Variants in SSBP2 observed in about 807,000 individuals in gnomAD.
The protein encoded by SSBP2 is single-stranded DNA-binding protein 2.
A neutral mutation model predicts 61.8 loss-of-function variants in SSBP2; 17 were observed. The observed-to-expected ratio is 0.28, with a 90% CI of 0.19 to 0.41. The LOEUF is 0.41. SSBP2 is among the 10% of genes least tolerant of loss of function. SSBP2 has a pLI of 1.00. For missense variants in SSBP2, 310 were observed against 458.7 expected (o/e 0.68, Z 2.96); for synonymous variants, 139 against 141.3 (o/e 0.98, Z 0.12).
At chr5:81,445,138 TTATATATATATA>T (rs1160080305) in intron 12 of SSBP2, among the ~76,000 whole-genome samples, 1 of 33,896 alleles carries the variant, frequency 3.0e-5, no homozygotes, top group Non-Finnish European at 5.3e-5. Context: ...AAAAAAAATT[TTATATATATATA>T]TATATATATA....
intron 6 of SSBP2, among the ~76,000 whole-genome samples, chr5:81,479,557 T>C (rs1468622226): frequency 6.6e-6 from 1 of 152,080 alleles, no homozygotes; most frequent in East Asian, 1.9e-4. Flanking sequence ...TCCCCCAAAC[T>C]GCTCGGATTA....
chr5:81,557,664 C>A (rs1017850543), intron 4 of SSBP2, among the ~76,000 whole-genome samples: 1 of 152,138 alleles, frequency 6.6e-6, no homozygotes, highest in African/African-American at 2.4e-5. Context: ...GTGCATTTTT[C>A]CATCTCTAAA....
intron 4 of SSBP2, among the ~76,000 whole-genome samples, chr5:81,572,706 T>C (rs751364846): frequency 6.6e-6 from 1 of 152,174 alleles, no homozygotes; most frequent in Non-Finnish European, 1.5e-5. Flanking sequence ...AACAGGAAAT[T>C]TGACTTCAGT....
At position 81,612,451 on chromosome 5, in the gene SSBP2, T is replaced by C. The variant is rs183159325; in HGVS notation, c.282+3022A>G. 3.7e-4 allele frequency among the ~76,000 whole-genome samples: 57 copies of C among 152,218 alleles called. 3 individuals are homozygous for C. The East Asian group carries it at 4.6e-3, about 12-fold the overall frequency. On this transcript the variant is annotated intron_variant, in intron 4 of 16. Transcript: ENST00000320672. ...TTAATAATTGCAGATATTTGGAAAA[T>C]ACAGTAATATACATAGACAAAAATA...
At position 81,573,250 on chromosome 5, in the gene SSBP2, G is replaced by T. The variant is rs371917239; in HGVS notation, c.282+42223C>A. On this transcript the variant is annotated intron_variant, in intron 4 of 16. Transcript: ENST00000320672. The stretch of plus-strand genomic sequence containing the variant: ...AACTCTGTGCTAATGTAAATGTGAG[G>T]TACATATACATGGAATGGCTTAAAG... 4.7e-4 allele frequency among the ~76,000 whole-genome samples: 71 copies of T among 152,254 alleles called. 1 individual carries two copies. The South Asian group carries it at 0.015, about 31-fold the overall frequency.
Position 81,615,554 on chromosome 5 carries a change from T to C in SSBP2, c.201A>G (p.Val67=), listed in dbSNP as rs750126747. 2.5e-6 allele frequency: 4 copies of C among 1,609,712 alleles called. No individual in the cohort carries two copies. Among genetic ancestry groups the C allele is most frequent in the East Asian group, 4.5e-5 (2 of 44,764 alleles). Residue 67 remains valine, a synonymous_variant, in exon 4 of 17, where the codon GTA becomes GTG. Coordinates refer to ENST00000320672, the MANE Select transcript of SSBP2 (RefSeq NM_012446.5). ...GAGCTGCACAGTAGAGATCCCAAAA[T>C]ACACTAAAAAAGTAATCATGGTAAC... is the stretch of plus-strand genomic sequence containing the variant.
intron 15 of SSBP2, among the ~76,000 whole-genome samples, chr5:81,431,327 G>C (rs939928271): frequency 6.6e-6 from 1 of 151,958 alleles, no homozygotes; most frequent in South Asian, 2.1e-4. Context: ...TACTTTAAGA[G>C]TTTTGCTTGA....
intron 5 of SSBP2, among the ~76,000 whole-genome samples, chr5:81,504,852 A>G (rs568198698): frequency 2.0e-5 from 3 of 152,330 alleles, no homozygotes; most frequent in South Asian, 4.1e-4. Context: ...ATCATTGACA[A>G]TCTTAGCTAG....
chr5:81,484,662 C>G (rs1181824283), intron 6 of SSBP2, among the ~76,000 whole-genome samples: 1 of 152,084 alleles, frequency 6.6e-6, no homozygotes, highest in Non-Finnish European at 1.5e-5. Context: ...AATCATTAAT[C>G]ACTAACATAT....
At chr5:81,592,014 C>T (rs1018916700) in intron 4 of SSBP2, among the ~76,000 whole-genome samples, 5 of 152,290 alleles carry the variant, frequency 3.3e-5, no homozygotes, top group Middle Eastern at 3.4e-3. Context: ...GCGCACTGTG[C>T]GCAAGCCGAA....
At chr5:81,674,794 A>C (rs557226180) in intron 1 of SSBP2, among the ~76,000 whole-genome samples, 7 of 152,328 alleles carry the variant, frequency 4.6e-5, no homozygotes, top group Admixed American at 1.3e-4. Context: ...ATGTGTTCTA[A>C]TAGGCTCATG....
chr5:81,739,475 G>A (rs1756859816), intron 1 of SSBP2, among the ~76,000 whole-genome samples: 1 of 152,012 alleles, frequency 6.6e-6, no homozygotes, highest in South Asian at 2.1e-4. Context: ...TTTTTTTCAG[G>A]AATCCCACAG....
At chr5:81,525,420 G>A (rs1033176524) in intron 4 of SSBP2, among the ~76,000 whole-genome samples, 4 of 151,864 alleles carry the variant, frequency 2.6e-5, no homozygotes, top group African/African-American at 9.7e-5. Flanking sequence ...ACTTATAACT[G>A]AGAACATGTG....
At chr5:81,454,664 G>A (rs1307237183) in intron 10 of SSBP2, among the ~76,000 whole-genome samples, 1 of 151,330 alleles carries the variant, frequency 6.6e-6, no homozygotes, top group Non-Finnish European at 1.5e-5. Context: ...CTGGTGACAA[G>A]AGCAAAATTC....
At chr5:81,622,810 T>G (rs1746736043) in intron 3 of SSBP2, among the ~76,000 whole-genome samples, 1 of 152,208 alleles carries the variant, frequency 6.6e-6, no homozygotes, top group African/African-American at 2.4e-5. Context: ...GAAAACATTC[T>G]GTAAGCCTTA....
chr5:81,749,756 CAAG>C lies in SSBP2; in HGVS notation c.62+1222_62+1224del, dbSNP rs1275639438. ...CAACCAAATCACCGTTACAAGTACA[CAAG>C]AATAGCAGCAAACCGCTTTGCTTTG... On this transcript the variant is annotated intron_variant, in intron 1 of 16. Transcript: ENST00000320672. Among the ~76,000 whole-genome samples, 23 of 152,310 alleles carry C rather than the reference CAAG, an allele frequency of 1.5e-4. No individual in the cohort carries two copies. In the South Asian group the frequency reaches 2.3e-3, roughly 15 times the overall value.
At chr5:81,739,335 A>G (rs1414978259) in intron 1 of SSBP2, among the ~76,000 whole-genome samples, 8 of 152,296 alleles carry the variant, frequency 5.3e-5, no homozygotes, top group Non-Finnish European at 8.8e-5. Flanking sequence ...GTTGCTGTAC[A>G]TGATTCTCTC....
Position 81,434,633 on chromosome 5 carries a change from CAAAAAAA to C in SSBP2, c.957+2790_957+2796del, listed in dbSNP as rs34269591. Among the ~76,000 whole-genome samples, 6 of 43,014 alleles carry C rather than the reference CAAAAAAA, an allele frequency of 1.4e-4. 1 individual carries two copies. The highest frequency in any genetic ancestry group is 3.2e-4 in the Admixed American group (1 of 3,120). The allele number at this position is 43,014 out of a possible 152,430, so 28.2% of individuals were successfully genotyped here. A position where few individuals can be genotyped will look rare whatever the true frequency, so the allele number is the denominator to read the frequency against. ...GGCAACAAGAGCGAAACTCTTGACT[CAAAAAAA>C]AAAAAAAAAAAAAAAAAGACACAAA... On this transcript the variant is annotated intron_variant, in intron 15 of 16. Transcript: ENST00000320672.
At chr5:81,503,411 G>A (rs1346089408) in intron 5 of SSBP2, among the ~76,000 whole-genome samples, 1 of 152,100 alleles carries the variant, frequency 6.6e-6, no homozygotes, top group African/African-American at 2.4e-5. Context: ...CTGAGATCAC[G>A]CCACTGCACT....
Sources: gnomAD v4.1 joint callset for allele counts (sites outside exome capture counted in the v4.1 genomes callset) on GRCh38, gnomAD v4.1.1 for gene constraint, MANE v1.5 for transcripts, NCBI Gene and HGNC (gene_info 2026-07-23, HGNC 2026-07-21) for gene names.